The following LTA4H variants were observed in gnomAD, a reference collection of about 807,000 sequenced individuals.
LTA4H encodes the protein leukotriene A4 hydrolase, also known as leukotriene A-4 hydrolase.
Under a neutral mutation model 89.8 loss-of-function variants are expected in LTA4H, and 59 were observed. That is an observed-to-expected ratio of 0.66 (90% CI 0.53 to 0.82). LTA4H has a LOEUF of 0.82. LTA4H is among the 40% of genes least tolerant of loss of function. The pLI, the probability that LTA4H is intolerant of heterozygous loss-of-function variation, is 0.00. For synonymous variants in LTA4H, 227 were observed against 253.1 expected (o/e 0.90, Z 0.98); for missense variants, 617 against 727.0 (o/e 0.85, Z 1.74).
At chr12:96,036,615 G>A (rs1250240414), upstream of LTA4H, among the ~76,000 whole-genome samples, 1 of 152,176 alleles carries the variant, frequency 6.6e-6, no homozygotes, top group East Asian at 1.9e-4. Flanking sequence ...AGGATAGAGA[G>A]GAAGGAATGA....
chr12:96,001,334 G>C (rs1218418136), intron 18 of LTA4H, among the ~76,000 whole-genome samples: 8 of 152,154 alleles, frequency 5.3e-5, no homozygotes, highest in Admixed American at 4.6e-4. Flanking sequence ...AATCAGATGG[G>C]TATGGTCCTG....
intron 1 of LTA4H, chr12:96,043,251 A>G: frequency 6.9e-7 from 1 of 1,442,704 alleles, no homozygotes; most frequent in Non-Finnish European, 9.4e-7. Context: ...TCGACTTGAA[A>G]GAACCTCACA....
At chr12:96,017,907 T>C (rs1950400867) in intron 8 of LTA4H, among the ~76,000 whole-genome samples, 1 of 152,200 alleles carries the variant, frequency 6.6e-6, no homozygotes, top group Admixed American at 6.5e-5. Context: ...TTCTCTCCTA[T>C]TACCCAAAAT....
chr12:96,029,211 A>C (rs1236039132), intron 1 of LTA4H, 26 bp from the exon 2 acceptor site: 10 of 1,341,524 alleles, frequency 7.5e-6, no homozygotes, highest in Non-Finnish European at 1.0e-5. Flanking sequence ...TTAAATAGTA[A>C]GAAAATAGTT....
intron 8 of LTA4H, 26 bp from the exon 9 acceptor site, chr12:96,017,606 T>C: frequency 1.3e-6 from 2 of 1,583,212 alleles, no homozygotes; most frequent in South Asian, 1.1e-5. Context: ...ATTACCTTAG[T>C]ATTTTAGTAA....
At chr12:96,014,240 G>A (rs991407642) in intron 12 of LTA4H, 1 of 173,948 alleles carries the variant, frequency 5.7e-6, no homozygotes, top group Non-Finnish European at 1.2e-5. Flanking sequence ...CAACCAAGGA[G>A]AACACCTCAA....
At chr12:96,035,624 G>A, upstream of LTA4H, 1 of 1,454,086 alleles carries the variant, frequency 6.9e-7, no homozygotes, top group Non-Finnish European at 9.1e-7. Context: ...AGAAGAGGAG[G>A]AGGGATTCGC....
upstream of LTA4H, chr12:96,035,632 C>G: frequency 6.9e-7 from 1 of 1,440,326 alleles, no homozygotes; most frequent in South Asian, 1.5e-5. Flanking sequence ...AGGAGGGATT[C>G]GCGGTGCACG....
At position 96,022,405 on chromosome 12, in the gene LTA4H, TACAC is replaced by T. The variant is rs1340549514; in HGVS notation, c.481-158_481-155del. 6.6e-6 allele frequency among the ~76,000 whole-genome samples: 1 copy of T among 152,126 alleles called. No homozygotes were observed. The highest frequency in any genetic ancestry group is 2.4e-5 in the African/African-American group (1 of 41,424). On this transcript the variant is annotated intron_variant, in intron 4 of 18. Coordinates refer to ENST00000228740, the MANE Select transcript of LTA4H (RefSeq NM_000895.3). This position sits in a 1 kb window ranked among gnomAD's most constrained non-coding sequence, Gnocchi z 4.0. The stretch of plus-strand genomic sequence containing the variant: ...TATACATATACAAAAAGTATATATA[TACAC>T]ACACATATATATGAACACAACGTGT...
In LTA4H at chr12:96,001,099, C is replaced by T; in HGVS notation, c.1726G>A (p.Ala576Thr). ...KFTRPLFKDL[A>T]AFDKSHDQAV... ...TGATCATGGGATTTGTCAAAGGCAG[C>T]AAGATCCCTGCCAAAAAAGAAAAAA... The change falls in exon 19 of 19, where the codon GCT becomes ACT. Residue 576 changes from alanine to threonine, a missense_variant. Physicochemically the swap from Ala to Thr is moderately conservative, Grantham distance 58 (BLOSUM62 0). Transcript: ENST00000228740. 6.2e-7 allele frequency: 1 copy of T among 1,610,594 alleles called. No individual in the cohort carries two copies. Among genetic ancestry groups the T allele is most frequent in the Non-Finnish European group, 8.5e-7 (1 of 1,177,718 alleles).
At chr12:96,015,918 T>C (rs1037706070) in intron 10 of LTA4H, among the ~76,000 whole-genome samples, 4 of 152,226 alleles carry the variant, frequency 2.6e-5, no homozygotes, top group Non-Finnish European at 4.4e-5. Flanking sequence ...TGCTCTTGCA[T>C]GTCCCTATGT....
At chr12:96,015,125 G>A (rs923724223) in intron 11 of LTA4H, 126 bp from the exon 12 acceptor site, 3 of 722,642 alleles carry the variant, frequency 4.2e-6, no homozygotes, top group African/African-American at 1.8e-5. Flanking sequence ...CTTGGAGACT[G>A]GAACACTAGG....
intron 1 of LTA4H, among the ~76,000 whole-genome samples, chr12:96,042,782 C>A (rs896049060): frequency 6.6e-6 from 1 of 152,168 alleles, no homozygotes; most frequent in Admixed American, 6.5e-5. Context: ...AATAAAAACT[C>A]GCTTCCTCCC....
chr12:96,020,910 G>T (rs536463038), intron 6 of LTA4H, among the ~76,000 whole-genome samples, 175 bp downstream of exon 6: 10 of 152,274 alleles, frequency 6.6e-5, no homozygotes, highest in South Asian at 2.1e-4. Context: ...AACTGGTCAA[G>T]ATTTTTAAAT....
chr12:96,025,927 T>C (rs537059419), intron 3 of LTA4H, among the ~76,000 whole-genome samples: 32 of 152,246 alleles, frequency 2.1e-4, no homozygotes, highest in Non-Finnish European at 2.6e-4. Flanking sequence ...CCCAGCCTCA[T>C]TGAGACAGTC....
In LTA4H at chr12:96,035,386, G is replaced by T; in HGVS notation, c.134C>A (p.Ser45Tyr). 1.9e-6 allele frequency: 3 copies of T among 1,611,546 alleles called. No individual in the cohort carries two copies. Among genetic ancestry groups the T allele is most frequent in the Non-Finnish European group, 2.5e-6 (3 of 1,178,970 alleles). Reference sequence around the variant, plus strand: ...CAGGCTGCGCAGATTGTCCTCCTGAGACTGGACCGTGAGAGCAGCAGTCCC... The same window carrying T: ...CAGGCTGCGCAGATTGTCCTCCTGATACTGGACCGTGAGAGCAGCAGTCCC... Reference protein sequence around the residue: ...LTGTAALTVQSQEDNLRSLVL... With the variant: ...LTGTAALTVQYQEDNLRSLVL... The change falls in exon 1 of 19, where the codon TCT (serine) becomes TAT (tyrosine). Residue 45 changes from serine to tyrosine, a missense_variant. Coordinates refer to ENST00000228740, the MANE Select transcript of LTA4H (RefSeq NM_000895.3).
In LTA4H at chr12:96,021,133, G is replaced by A; in HGVS notation, c.590C>T (p.Pro197Leu). The A allele has an allele frequency of 6.3e-7, 1 of 1,593,418 alleles. No individual in the cohort carries two copies. The highest frequency in any genetic ancestry group is 8.5e-7 in the Non-Finnish European group (1 of 1,173,992). Residue 197 changes from proline (P) to leucine (L), a missense_variant, in exon 6 of 19, where the codon CCA becomes CTA. Pro to Leu is a moderately conservative substitution (Grantham distance 98, BLOSUM62 -3). This residue lies in a region of LTA4H where 172 missense variants were observed against 244.5 expected (regional missense o/e 0.70). Transcript: ENST00000228740. ...RKIYKFIQKV[P>L]IPCYLIALVV... The stretch of plus-strand genomic sequence containing the variant: ...TAAAGCAATCAGGTAGCAGGGTATT[G>A]GAACCTAAAGAGGGCAAACAAACGC...
At chr12:96,014,049 T>C in intron 12 of LTA4H, 196 bp from the exon 13 acceptor site, 1 of 456,780 alleles carries the variant, frequency 2.2e-6, no homozygotes, top group South Asian at 3.7e-5. Context: ...AGAATATATG[T>C]AATTCAGTGG....
intron 6 of LTA4H, among the ~76,000 whole-genome samples, chr12:96,020,114 G>A (rs188959479): frequency 9.8e-4 from 149 of 151,612 alleles, no homozygotes; most frequent in African/African-American, 3.0e-3. Context: ...TATGTTGCCC[G>A]GCCTGGTCTT....
Sources: gnomAD v4.1 joint callset for allele counts (sites outside exome capture counted in the v4.1 genomes callset) on GRCh38, gnomAD v4.1.1 for gene constraint, gnomAD v4.1.1 regional missense constraint, Gnocchi (gnomAD v3.1) non-coding constraint, MANE v1.5 for transcripts, NCBI Gene and HGNC (gene_info 2026-07-23, HGNC 2026-07-21) for gene names.